The following ACADL variants were observed in gnomAD, a reference collection of about 807,000 sequenced individuals.
ACADL encodes acyl-CoA dehydrogenase long chain, also known as long-chain specific acyl-CoA dehydrogenase, mitochondrial.
ACADL carries 60 observed loss-of-function variants against 56.9 expected under a neutral mutation model. The ratio of observed to expected loss-of-function variants is 1.05; its 90% confidence interval spans 0.86 to 1.31. The LOEUF (loss-of-function observed/expected upper bound fraction) is 1.31, where lower values mean the gene tolerates loss of function less well. ACADL is among the 50% of genes most tolerant of loss of function. The pLI is 0.00. For synonymous variants in ACADL, 158 were observed against 179.7 expected (o/e 0.88, Z 0.97); for missense variants, 484 against 525.5 (o/e 0.92, Z 0.77).
At chr2:210,190,219 A>G (rs2125707507) in intron 10 of ACADL, among the ~76,000 whole-genome samples, 1 of 152,272 alleles carries the variant, frequency 6.6e-6, no homozygotes. Flanking sequence ...CGGTGTTACA[A>G]AGGAAATTTA....
chr2:210,212,135 AT>A (rs201509622), intron 4 of ACADL, among the ~76,000 whole-genome samples: 42,264 of 145,444 alleles, frequency 0.29, 6,313 homozygotes, highest in Non-Finnish European at 0.36. Context: ...ACCTGGTTGC[AT>A]TTTTTTTTTT....
At position 210,225,071 on chromosome 2, in the gene ACADL, G is replaced by A. The variant is rs1231682337; in HGVS notation, c.77+116C>T. ...AGCTCTAGCCCGGCGCCGGAGTTGG[G>A]GAGCACTCCCAGCCGCGCGCGCACC... On this transcript the variant is annotated intron_variant, in intron 1 of 10. Transcript: ENST00000233710. 6 of 1,507,074 alleles carry A rather than the reference G, an allele frequency of 4.0e-6. No individual in the cohort carries two copies. The African/African-American group carries it at 4.3e-5, about 11-fold the overall frequency. 93.4% of individuals were successfully genotyped at this position (1,507,074 alleles called of 1,614,324 possible).
At chr2:210,195,518 C>T (rs1688696092) in intron 8 of ACADL, among the ~76,000 whole-genome samples, 180 bp from the exon 9 acceptor site, 1 of 152,134 alleles carries the variant, frequency 6.6e-6, no homozygotes, top group Non-Finnish European at 1.5e-5. Flanking sequence ...TTAAAACTCA[C>T]TATATTTCAG....
At chr2:210,198,615 A>T (rs1204686984) in intron 8 of ACADL, among the ~76,000 whole-genome samples, 1 of 152,136 alleles carries the variant, frequency 6.6e-6, no homozygotes, top group East Asian at 1.9e-4. Flanking sequence ...CTGGGCAGTA[A>T]TAACAGTATA....
chr2:210,199,385 G>A (rs1688759037), intron 8 of ACADL, among the ~76,000 whole-genome samples: 1 of 151,924 alleles, frequency 6.6e-6, no homozygotes. Context: ...GAAAGTTTAG[G>A]GAACTAACTT....
intron 6 of ACADL, among the ~76,000 whole-genome samples, chr2:210,205,019 T>G (rs999227933): frequency 6.6e-5 from 10 of 152,222 alleles, no homozygotes; most frequent in Admixed American, 3.3e-4. Flanking sequence ...TCTGGGTTTT[T>G]TTTGTTTGTT....
At position 210,204,604 on chromosome 2, in the gene ACADL, A is replaced by G. The variant is rs1273567877; in HGVS notation, c.847T>C (p.Tyr283His). ...LLGEENKGFY[Y>H]IMKELPQERL... is the part of the protein sequence containing the mutation. The stretch of plus-strand genomic sequence containing the variant: ...ACCTGTGGAAGCTCTTTCATGATGT[A>G]ATAGAAGCCTTTATTCTCTTCTCCA... The change falls in exon 7 of 11, where the codon TAC becomes CAC. Residue 283 changes from tyrosine to histidine, a missense_variant. Physicochemically the swap from Tyr to His is moderately conservative, Grantham distance 83. Transcript: ENST00000233710. 1 of 1,610,406 alleles carries G rather than the reference A, an allele frequency of 6.2e-7. No homozygotes were observed.
Position 210,216,526 on chromosome 2 carries a change from A to C in ACADL, c.372-15T>G, listed in dbSNP as rs1314520633. ...TTGAATAAGCTCTTAGAATGAAAAA[A>C]GAAGAAAAATTAGAGCATAAAATAG... is the stretch of plus-strand genomic sequence containing the variant. On this transcript the variant is annotated splice_polypyrimidine_tract_variant and intron_variant, in intron 3 of 10. Transcript: ENST00000233710. The C allele has an allele frequency of 2.5e-6, 4 of 1,609,764 alleles. No homozygotes were observed. The highest frequency in any genetic ancestry group is 3.4e-6 in the Non-Finnish European group (4 of 1,177,048).
chr2:210,209,284 C>G (rs59610629), intron 5 of ACADL, among the ~76,000 whole-genome samples: 1 of 152,292 alleles, frequency 6.6e-6, no homozygotes, highest in Non-Finnish European at 1.5e-5. Context: ...CTTTCCTTCA[C>G]GTAACACTCA....
At chr2:210,194,687 A>G (rs1454259573) in intron 9 of ACADL, among the ~76,000 whole-genome samples, 2 of 152,212 alleles carry the variant, frequency 1.3e-5, no homozygotes, top group Non-Finnish European at 2.9e-5. Flanking sequence ...TAAAATTGGA[A>G]AGCACCTTAA....
intron 5 of ACADL, 98 bp from the exon 6 acceptor site, chr2:210,205,894 A>G: frequency 7.1e-7 from 1 of 1,408,562 alleles, no homozygotes; most frequent in South Asian, 1.2e-5. Context: ...ACTAAAACAG[A>G]CAAGACATGC....
intron 8 of ACADL, among the ~76,000 whole-genome samples, chr2:210,197,491 T>G (rs1220300323): frequency 6.6e-6 from 1 of 151,942 alleles, no homozygotes; most frequent in Non-Finnish European, 1.5e-5. Context: ...AATATAAAGA[T>G]GGAACAAAAA....
chr2:210,195,890 A>T (rs932215273), intron 8 of ACADL, among the ~76,000 whole-genome samples: 1 of 152,196 alleles, frequency 6.6e-6, no homozygotes, highest in Non-Finnish European at 1.5e-5. Context: ...AGAAAGCAAT[A>T]GAATAAAATC....
chr2:210,203,446 T>C lies in ACADL; in HGVS notation c.871-2A>G. On this transcript the variant is annotated splice_acceptor_variant, in intron 7 of 10. Coordinates refer to ENST00000233710, the MANE Select transcript of ACADL (RefSeq NM_001608.4). LOFTEE classifies it high-confidence loss of function. The stretch of plus-strand genomic sequence containing the variant: ...CACATCAGCAATTAACAGCCTTTCC[T>C]ATAACACAAAAATTAGGTCTTAAAC... The C allele has an allele frequency of 1.2e-6, 2 of 1,606,324 alleles. No individual in the cohort carries two copies. The highest frequency in any genetic ancestry group is 1.7e-5 in the Admixed American group (1 of 59,856).
intron 7 of ACADL, among the ~76,000 whole-genome samples, chr2:210,203,846 T>C (rs1688840037): frequency 6.6e-6 from 1 of 152,184 alleles, no homozygotes; most frequent in African/African-American, 2.4e-5. Flanking sequence ...CATGAATGAC[T>C]GTCTTCATTA....
At chr2:210,224,517 CTT>C (rs1200794861) in intron 1 of ACADL, 6 of 985,346 alleles carry the variant, frequency 6.1e-6, no homozygotes, top group East Asian at 2.3e-4. Flanking sequence ...GTATCTGAAA[CTT>C]TTGATCATAT....
intron 8 of ACADL, among the ~76,000 whole-genome samples, chr2:210,199,759 C>T (rs972924847): frequency 6.6e-6 from 1 of 151,840 alleles, no homozygotes; most frequent in Non-Finnish European, 1.5e-5. Context: ...TTGTGGGGAG[C>T]AGGGAGACAG....
At chr2:210,199,184 T>C (rs563320890) in intron 8 of ACADL, among the ~76,000 whole-genome samples, 3 of 152,252 alleles carry the variant, frequency 2.0e-5, no homozygotes, top group African/African-American at 7.2e-5. Context: ...ACAGTATCGG[T>C]TATTCATCAT....
chr2:210,224,016 A>G (rs1451527598), intron 1 of ACADL, among the ~76,000 whole-genome samples: 1 of 152,038 alleles, frequency 6.6e-6, no homozygotes, highest in East Asian at 1.9e-4. Context: ...TCACGAGGTC[A>G]GGAGTTTGAG....
Sources: allele counts gnomAD v4.1 joint callset (sites outside exome capture counted in the v4.1 genomes callset), GRCh38; gene constraint gnomAD v4.1.1; transcripts MANE v1.5; gene names NCBI Gene and HGNC (gene_info 2026-07-23, HGNC 2026-07-21).